The following OXGR1 variants were observed in gnomAD, a reference collection of about 807,000 sequenced individuals.
The protein encoded by OXGR1 is oxoglutarate receptor 1, also known as 2-oxoglutarate receptor 1.
Under a neutral mutation model 10.0 loss-of-function variants are expected in OXGR1, and 10 were observed. The ratio of observed to expected loss-of-function variants is 1.00; its 90% confidence interval spans 0.62 to 1.70. The LOEUF (loss-of-function observed/expected upper bound fraction) is 1.70. OXGR1 is among the 40% of genes most tolerant of loss of function. The pLI is 0.00. For synonymous variants in OXGR1, 191 were observed against 155.9 expected (o/e 1.22, Z -1.68); for missense variants, 398 against 407.6 (o/e 0.98, Z 0.20).
intron 2 of OXGR1, among the ~76,000 whole-genome samples, chr13:96,990,330 T>C (rs1322560649): frequency 6.6e-6 from 1 of 152,212 alleles, no homozygotes; most frequent in Non-Finnish European, 1.5e-5. Context: ...AAGTAGCTAA[T>C]GTTGCTTCTG....
intron 1 of OXGR1, among the ~76,000 whole-genome samples, chr13:96,993,679 A>G (rs1346835648): frequency 6.6e-6 from 1 of 152,194 alleles, no homozygotes; most frequent in Non-Finnish European, 1.5e-5. Flanking sequence ...GCATGCATGG[A>G]CACGCAAATA....
intron 2 of OXGR1, among the ~76,000 whole-genome samples, chr13:96,990,602 T>C (rs1024282560): frequency 9.9e-5 from 15 of 152,112 alleles, no homozygotes; most frequent in Non-Finnish European, 2.1e-4. Context: ...GCAAAACTTA[T>C]ATGGTACTGA....
chr13:96,993,380 G>T (rs926304082), intron 1 of OXGR1, among the ~76,000 whole-genome samples: 52 of 152,026 alleles, frequency 3.4e-4, no homozygotes, highest in African/African-American at 1.2e-3. Context: ...CACCACGTCT[G>T]GCTAATTTTT....
At chr13:96,993,942 A>G (rs1593980310) in intron 1 of OXGR1, among the ~76,000 whole-genome samples, 1 of 152,176 alleles carries the variant, frequency 6.6e-6, no homozygotes, top group South Asian at 2.1e-4. Flanking sequence ...TTTGTCTCCT[A>G]AGCACTCTCC....
intron 2 of OXGR1, among the ~76,000 whole-genome samples, chr13:96,990,028 A>G (rs1553304): frequency 0.059 from 9,019 of 152,298 alleles, 373 homozygotes; most frequent in Non-Finnish European, 0.09. Flanking sequence ...CCTGTAAATC[A>G]TCTCTAGATT....
In OXGR1 at chr13:96,986,643, C is replaced by T. The variant is rs945344600; in HGVS notation, c.*103G>A. ...TTTGGCACATGATTACTTGAATACACAGTATTTACCAGGAGTTCCATTGAG... is the reference window on the plus strand; with the variant it reads ...TTTGGCACATGATTACTTGAATACATAGTATTTACCAGGAGTTCCATTGAG... On this transcript the variant is annotated 3_prime_UTR_variant, in exon 4 of 4. Coordinates refer to ENST00000541038, the MANE Select transcript of OXGR1 (RefSeq NM_001346194.2). 1 of 1,232,734 alleles carries T rather than the reference C, an allele frequency of 8.1e-7. No homozygotes were observed. Among genetic ancestry groups the T allele is most frequent in the African/African-American group, 1.5e-5 (1 of 66,228 alleles). 76.4% of individuals were successfully genotyped at this position (1,232,734 alleles called of 1,614,324 possible). A position where few individuals can be genotyped will look rare whatever the true frequency, so the allele number is the denominator to read the frequency against.
intron 1 of OXGR1, among the ~76,000 whole-genome samples, chr13:96,992,876 C>T (rs1410914742): frequency 2.0e-5 from 3 of 152,144 alleles, no homozygotes; most frequent in African/African-American, 7.2e-5. Flanking sequence ...TCCCAAGATG[C>T]CAATGGACGA....
Position 96,989,868 on chromosome 13 carries a change from G to A in OXGR1, c.-126-59C>T, listed in dbSNP as rs553921648. 9.2e-5 allele frequency: 14 copies of A among 152,330 alleles called. No homozygotes were observed. The South Asian group carries it at 2.3e-3, about 25-fold the overall frequency. The allele number at this position is 152,330 out of a possible 1,614,324, so 9.4% of individuals were successfully genotyped here. A position where few individuals can be genotyped will look rare whatever the true frequency, so the allele number is the denominator to read the frequency against. On this transcript the variant is annotated intron_variant, in intron 2 of 3. Coordinates refer to ENST00000541038, the MANE Select transcript of OXGR1 (RefSeq NM_001346194.2). ...AGGAAAAGGCTGAATATCTCAGAAA[G>A]CTCAATAAATCAAACACTGTAGAGT...
chr13:96,986,675 A>G lies in OXGR1; in HGVS notation c.*71T>C. On this transcript the variant is annotated 3_prime_UTR_variant, in exon 4 of 4. Coordinates refer to ENST00000541038, the MANE Select transcript of OXGR1 (RefSeq NM_001346194.2). ...TACCAGGAGTTCCATTGAGGGAGAC[A>G]TCCTGAACATCTTAGGATGCTAGGT... The G allele has an allele frequency of 6.8e-7, 1 of 1,469,538 alleles. No individual in the cohort carries two copies. The highest frequency in any genetic ancestry group is 9.1e-7 in the Non-Finnish European group (1 of 1,094,198). The allele number at this position is 1,469,538 out of a possible 1,614,324, so 91.0% of individuals were successfully genotyped here.
intron 1 of OXGR1, among the ~76,000 whole-genome samples, chr13:96,993,199 TTTTG>T (rs528140480): frequency 5.9e-4 from 90 of 152,196 alleles, no homozygotes; most frequent in African/African-American, 2.1e-3. Flanking sequence ...CTTTATTGTT[TTTTG>T]TTTGTTTGTG....
chr13:96,986,621 G>T lies in OXGR1; in HGVS notation c.*125C>A. On this transcript the variant is annotated 3_prime_UTR_variant, in exon 4 of 4. Coordinates refer to ENST00000541038, the MANE Select transcript of OXGR1 (RefSeq NM_001346194.2). The stretch of plus-strand genomic sequence containing the variant: ...GAACTAGAAGCTCTGCCCTGGCTTT[G>T]GCACATGATTACTTGAATACACAGT... 3 of 1,012,250 alleles carry T rather than the reference G, an allele frequency of 3.0e-6. No homozygotes were observed. Among genetic ancestry groups the T allele is most frequent in the Non-Finnish European group, 4.3e-6 (3 of 700,644 alleles). 62.7% of individuals were successfully genotyped at this position (1,012,250 alleles called of 1,614,324 possible).
chr13:96,991,210 A>C (rs1423078799), intron 2 of OXGR1, among the ~76,000 whole-genome samples: 2 of 152,220 alleles, frequency 1.3e-5, no homozygotes, highest in Non-Finnish European at 2.9e-5. Context: ...TCTGTGTTCC[A>C]TAAAACCTCA....
chr13:96,992,213 C>A (rs1273922565), intron 2 of OXGR1, among the ~76,000 whole-genome samples: 7 of 151,882 alleles, frequency 4.6e-5, no homozygotes, highest in Admixed American at 2.6e-4. Context: ...AACTTAATTG[C>A]ACATTTTTAA....
chr13:96,991,276 G>A (rs751740398), intron 2 of OXGR1, among the ~76,000 whole-genome samples: 6 of 152,148 alleles, frequency 3.9e-5, no homozygotes, highest in South Asian at 2.1e-4. Context: ...ACAAAAAACC[G>A]GTCTGGGCTG....
At position 96,992,074 on chromosome 13, in the gene OXGR1, C is replaced by T. The variant is rs148171034; in HGVS notation, c.-127+348G>A. ...GCATAGAGAGTAGAAGGATGGTTAC[C>T]AGAAGCTGGGAAGAGTAGTGGGGGA... On this transcript the variant is annotated intron_variant, in intron 2 of 3. Transcript: ENST00000541038. Among the ~76,000 whole-genome samples, 686 of 151,156 alleles carry T rather than the reference C, an allele frequency of 4.5e-3. 3 individuals carry two copies. Among genetic ancestry groups the T allele is most frequent in the African/African-American group, 0.016 (659 of 41,034 alleles).
At chr13:96,990,286 A>G (rs1362794223) in intron 2 of OXGR1, among the ~76,000 whole-genome samples, 1 of 152,232 alleles carries the variant, frequency 6.6e-6, no homozygotes, top group African/African-American at 2.4e-5. Flanking sequence ...AGCACGTCCC[A>G]AAGACAGTTC....
intron 2 of OXGR1, among the ~76,000 whole-genome samples, chr13:96,991,057 T>G (rs11619890): frequency 0.41 from 61,855 of 151,870 alleles, 13,659 homozygotes; most frequent in Admixed American, 0.56. Flanking sequence ...TGGAGACCAT[T>G]TTAAACAATA....
chr13:96,986,077 A>C lies in OXGR1; in HGVS notation c.*669T>G, dbSNP rs972491906. On this transcript the variant is annotated 3_prime_UTR_variant, in exon 4 of 4. Transcript: ENST00000541038. ...TTTGATAATTTTCATACATTCAATAAAAACTTTTTAACAACAATAAAGACA... is the reference window on the plus strand; with the variant it reads ...TTTGATAATTTTCATACATTCAATACAAACTTTTTAACAACAATAAAGACA... 3 of 152,228 alleles carry C rather than the reference A, an allele frequency of 2.0e-5. No homozygotes were observed. Among genetic ancestry groups the C allele is most frequent in the African/African-American group, 7.2e-5 (3 of 41,460 alleles). 9.4% of individuals were successfully genotyped at this position (152,228 alleles called of 1,614,324 possible). A position where few individuals can be genotyped will look rare whatever the true frequency, so the allele number is the denominator to read the frequency against.
intron 1 of OXGR1, among the ~76,000 whole-genome samples, chr13:96,993,148 C>T (rs1350490721): frequency 6.6e-6 from 1 of 152,186 alleles, no homozygotes; most frequent in Non-Finnish European, 1.5e-5. Context: ...TCTTTCTCCC[C>T]AACCCTTCTG....
Sources: allele counts gnomAD v4.1 joint callset (sites outside exome capture counted in the v4.1 genomes callset), GRCh38; gene constraint gnomAD v4.1.1; transcripts MANE v1.5; gene names NCBI Gene and HGNC (gene_info 2026-07-23, HGNC 2026-07-21).